Variants in MYRIP observed in about 807,000 individuals in gnomAD.
MYRIP encodes rab effector MyRIP.
In MYRIP, 49 loss-of-function variants were observed where a neutral mutation model predicts 98.0. That is an observed-to-expected ratio of 0.50 (90% CI 0.40 to 0.63). MYRIP has a LOEUF of 0.63. MYRIP is among the 30% of genes least tolerant of loss of function. The probability of loss-of-function intolerance (pLI) is 0.00; values close to 1 mark genes in which losing one functional copy is unlikely to be tolerated. For missense variants in MYRIP, 1,004 were observed against 1,058.2 expected, an observed-to-expected ratio of 0.95 and a Z score of 0.71; for synonymous variants, 404 against 409.5, an observed-to-expected ratio of 0.99 and a Z score of 0.16.
intron 1 of MYRIP, among the ~76,000 whole-genome samples, chr3:39,846,546 A>G (rs1034751831): frequency 1.3e-5 from 2 of 152,112 alleles, no homozygotes; most frequent in African/African-American, 4.8e-5. Context: ...CAGGTGTTAG[A>G]AGTGCCTTCC....
chr3:40,126,263 G>A (rs1949524167), intron 3 of MYRIP, among the ~76,000 whole-genome samples: 1 of 152,146 alleles, frequency 6.6e-6, no homozygotes, highest in African/African-American at 2.4e-5. Context: ...TCTGGGGTGG[G>A]GCCGAACAAG....
intron 2 of MYRIP, among the ~76,000 whole-genome samples, chr3:39,995,274 CGTTAA>C (rs1946313607): frequency 6.6e-6 from 1 of 151,990 alleles, no homozygotes; most frequent in Non-Finnish European, 1.5e-5. Context: ...ATGGCAAAGA[CGTTAA>C]AAACCTTGAA....
chr3:40,040,169 A>G (rs1388031964), intron 2 of MYRIP, among the ~76,000 whole-genome samples: 1 of 152,182 alleles, frequency 6.6e-6, no homozygotes, highest in Non-Finnish European at 1.5e-5. Context: ...CATTTAAGAG[A>G]GCCAACCTTC....
At chr3:40,024,487 T>G (rs1947077160) in intron 2 of MYRIP, among the ~76,000 whole-genome samples, 1 of 151,778 alleles carries the variant, frequency 6.6e-6, no homozygotes. Flanking sequence ...GGTAGGGATA[T>G]CTACTTCACG....
At chr3:39,850,373 G>A (rs1331539467) in intron 1 of MYRIP, among the ~76,000 whole-genome samples, 1 of 152,188 alleles carries the variant, frequency 6.6e-6, no homozygotes, top group Non-Finnish European at 1.5e-5. Context: ...GTGAAAATGT[G>A]AAGGAACAAA....
chr3:40,169,511 A>G (rs1263797120), intron 7 of MYRIP, among the ~76,000 whole-genome samples: 1 of 152,208 alleles, frequency 6.6e-6, no homozygotes, highest in African/African-American at 2.4e-5. Context: ...TCCTAAATTC[A>G]GGACTTACAA....
intron 1 of MYRIP, among the ~76,000 whole-genome samples, chr3:39,838,593 CT>C (rs1362501135): frequency 3.3e-5 from 5 of 152,054 alleles, no homozygotes; most frequent in African/African-American, 4.8e-5. Context: ...TTTTAATGTG[CT>C]GCTGGATTCG....
At chr3:40,184,300 C>T (rs1950970467) in intron 9 of MYRIP, among the ~76,000 whole-genome samples, 1 of 152,120 alleles carries the variant, frequency 6.6e-6, no homozygotes, top group South Asian at 2.1e-4. Flanking sequence ...AATAGAACTT[C>T]AATACACAAT....
chr3:40,204,260 C>A (rs1197306850), intron 10 of MYRIP, among the ~76,000 whole-genome samples: 1 of 113,850 alleles, frequency 8.8e-6, no homozygotes, highest in African/African-American at 3.5e-5. Flanking sequence ...GACAGAGTCT[C>A]ACTCTGTCAC....
At chr3:39,905,050 G>A (rs137891082) in intron 2 of MYRIP, among the ~76,000 whole-genome samples, 1 of 152,228 alleles carries the variant, frequency 6.6e-6, no homozygotes, top group African/African-American at 2.4e-5. Context: ...TATGGATGGA[G>A]GATGCTGGAA....
At chr3:39,973,243 G>T (rs1034657253) in intron 2 of MYRIP, among the ~76,000 whole-genome samples, 1 of 152,022 alleles carries the variant, frequency 6.6e-6, no homozygotes, top group Non-Finnish European at 1.5e-5. Context: ...AAAGACAGGG[G>T]CTGTAATCCT....
At chr3:40,079,717 G>A (rs1948432887) in intron 3 of MYRIP, among the ~76,000 whole-genome samples, 2 of 152,210 alleles carry the variant, frequency 1.3e-5, no homozygotes, top group South Asian at 4.1e-4. Flanking sequence ...TGGCTAAACT[G>A]TGCTATAAAC....
In MYRIP at chr3:39,931,208, A is replaced by G. The variant is rs187303228; in HGVS notation, c.110+30282A>G. Among the ~76,000 whole-genome samples, 297 of 151,988 alleles carry G rather than the reference A, an allele frequency of 2.0e-3. 1 individual carries two copies. In the Middle Eastern group the frequency reaches 0.028, roughly 14 times the overall value. On this transcript the variant is annotated intron_variant, in intron 2 of 16. Coordinates refer to ENST00000302541, the MANE Select transcript of MYRIP (RefSeq NM_015460.4). Reference sequence around the variant, plus strand: ...TTCCATTTATTTGCATCTTTAATTTATTTCAATGATGTTTGTAGTTTTCCA... The same window carrying G: ...TTCCATTTATTTGCATCTTTAATTTGTTTCAATGATGTTTGTAGTTTTCCA...
chr3:40,011,017 C>T (rs1946750362), intron 2 of MYRIP, among the ~76,000 whole-genome samples: 1 of 152,054 alleles, frequency 6.6e-6, no homozygotes, highest in Admixed American at 6.6e-5. Flanking sequence ...GGGTGGCTCC[C>T]CCATGTCATT....
chr3:40,149,249 G>A (rs1248685901), intron 3 of MYRIP, among the ~76,000 whole-genome samples: 3 of 152,180 alleles, frequency 2.0e-5, no homozygotes, highest in Admixed American at 2.0e-4. Context: ...TGGTGAGAGA[G>A]GGAGCAAGAG....
At chr3:39,822,449 T>C (rs1941128691) in intron 1 of MYRIP, among the ~76,000 whole-genome samples, 1 of 151,412 alleles carries the variant, frequency 6.6e-6, no homozygotes, top group Admixed American at 6.6e-5. Context: ...CTTAAAACAT[T>C]ATGAGATTTT....
chr3:39,982,505 G>T (rs1945918950), intron 2 of MYRIP, among the ~76,000 whole-genome samples: 1 of 152,170 alleles, frequency 6.6e-6, no homozygotes, highest in Non-Finnish European at 1.5e-5. Flanking sequence ...AATGCTCGAT[G>T]ACCTTGATTG....
intron 3 of MYRIP, among the ~76,000 whole-genome samples, chr3:40,099,284 A>T (rs1172710792): frequency 6.6e-6 from 1 of 152,234 alleles, no homozygotes; most frequent in Non-Finnish European, 1.5e-5. Flanking sequence ...GAAAAATGCT[A>T]TGCTTATTAA....
At chr3:40,076,772 TG>T (rs1948352165) in intron 3 of MYRIP, among the ~76,000 whole-genome samples, 1 of 152,182 alleles carries the variant, frequency 6.6e-6, no homozygotes, top group South Asian at 2.1e-4. Flanking sequence ...GAAGGGATTT[TG>T]GTGGTCAGCT....
Sources: gnomAD v4.1 joint callset for allele counts (sites outside exome capture counted in the v4.1 genomes callset) on GRCh38, gnomAD v4.1.1 for gene constraint, MANE v1.5 for transcripts, NCBI Gene and HGNC (gene_info 2026-07-23, HGNC 2026-07-21) for gene names.